Variants in CCDC73 observed in about 807,000 individuals in gnomAD.
CCDC73 encodes the protein coiled-coil domain containing 73.
CCDC73 carries 95 observed loss-of-function variants against 116.5 expected under a neutral mutation model. The observed-to-expected ratio is 0.82, with a 90% CI of 0.69 to 0.97. CCDC73 has a LOEUF of 0.97. CCDC73 is among the 50% of genes least tolerant of loss of function. The pLI, the probability that CCDC73 is intolerant of heterozygous loss-of-function variation, is 0.00. For synonymous variants in CCDC73, 398 were observed against 401.3 expected, an observed-to-expected ratio of 0.99 and a Z score of 0.10; for missense variants, 1,066 against 1,206.8, an observed-to-expected ratio of 0.88 and a Z score of 1.73.
intron 2 of CCDC73, among the ~76,000 whole-genome samples, chr11:32,743,650 T>C (rs575122427): frequency 6.6e-6 from 1 of 152,304 alleles, no homozygotes; most frequent in South Asian, 2.1e-4. Flanking sequence ...TTCCTAGGTA[T>C]TTTATTCTCT....
At position 32,685,266 on chromosome 11, in the gene CCDC73, C is replaced by CAAA. The variant is rs35408326; in HGVS notation, c.391-1695_391-1693dup. Among the ~76,000 whole-genome samples, 37 of 93,410 alleles carry CAAA rather than the reference C, an allele frequency of 4.0e-4. 2 individuals are homozygous for CAAA. Among genetic ancestry groups the CAAA allele is most frequent in the East Asian group, 8.9e-4 (3 of 3,352 alleles). The allele number at this position is 93,410 out of a possible 152,430, so 61.3% of individuals were successfully genotyped here. A position where few individuals can be genotyped will look rare whatever the true frequency, so the allele number is the denominator to read the frequency against. On this transcript the variant is annotated intron_variant, in intron 6 of 17. Coordinates refer to ENST00000335185, the MANE Select transcript of CCDC73 (RefSeq NM_001008391.4). ...AGACATTGGGGGTACAACACTGGAC[C>CAAA]AAAAAAAAAAAAAAAAAAAAACTCC... is the stretch of plus-strand genomic sequence containing the variant.
chr11:32,785,824 T>TTA (rs1325392626), intron 1 of CCDC73, among the ~76,000 whole-genome samples: 1 of 98,172 alleles, frequency 1.0e-5, no homozygotes, highest in East Asian at 7.1e-4. Flanking sequence ...TGGATTAAAA[T>TTA]TCTCTCCTCT....
intron 6 of CCDC73, among the ~76,000 whole-genome samples, chr11:32,692,616 G>C (rs1419106538): frequency 6.6e-6 from 1 of 152,074 alleles, no homozygotes; most frequent in South Asian, 2.1e-4. Context: ...TGGGTTTTAC[G>C]ACATCTACCT....
At chr11:32,776,229 A>T (rs1376144667) in intron 1 of CCDC73, among the ~76,000 whole-genome samples, 1 of 152,184 alleles carries the variant, frequency 6.6e-6, no homozygotes, top group Non-Finnish European at 1.5e-5. Context: ...TACCTCAGAC[A>T]TGAATTATAA....
chr11:32,788,798 T>C (rs1239066251), intron 1 of CCDC73, among the ~76,000 whole-genome samples: 1 of 152,112 alleles, frequency 6.6e-6, no homozygotes, highest in Non-Finnish European at 1.5e-5. Flanking sequence ...ATTTACAATC[T>C]AGAAAAATGG....
the CCDC73 span, among the ~76,000 whole-genome samples, chr11:32,808,632 C>A: frequency 7.2e-6 from 1 of 139,124 alleles, no homozygotes; most frequent in African/African-American, 2.7e-5. Flanking sequence ...TAGCGAGACT[C>A]CGTCTCAAAG....
rs1367496006 is a variant in CCDC73, at chr11:32,613,655, A to G, written c.2663T>C (p.Leu888Pro). Residue 888 changes from leucine (L) to proline (P), a missense_variant, in exon 16 of 18, where the codon CTT (leucine) becomes CCT (proline). Leu to Pro is a moderately conservative substitution (Grantham distance 98). Coordinates refer to ENST00000335185, the MANE Select transcript of CCDC73 (RefSeq NM_001008391.4). ...VNRSGRSTFD[L>P]STSDKKTEKT... is the part of the protein sequence containing the mutation. ...CTCAGTTTTTTTATCTGAAGTTGAA[A>G]GATCAAAGGTTGACCTTCCGCTTCT... is the stretch of plus-strand genomic sequence containing the variant. 7 of 1,613,958 alleles carry G rather than the reference A, an allele frequency of 4.3e-6. No homozygotes were observed. The highest frequency in any genetic ancestry group is 5.9e-6 in the Non-Finnish European group (7 of 1,180,002).
chr11:32,661,769 G>A (rs993561206), intron 9 of CCDC73, among the ~76,000 whole-genome samples: 4 of 150,738 alleles, frequency 2.7e-5, no homozygotes, highest in Non-Finnish European at 4.4e-5. Context: ...GTGCCATGTT[G>A]GTGTGCTGCA....
chr11:32,649,022 C>T (rs1278743864), intron 12 of CCDC73, among the ~76,000 whole-genome samples: 1 of 152,176 alleles, frequency 6.6e-6, no homozygotes, highest in African/African-American at 2.4e-5. Context: ...TAACTTGCCC[C>T]TTCATGAGCT....
intron 2 of CCDC73, among the ~76,000 whole-genome samples, chr11:32,721,411 T>C (rs1435633674): frequency 1.3e-5 from 2 of 152,088 alleles, no homozygotes; most frequent in Non-Finnish European, 2.9e-5. Context: ...AAAAGAGGGA[T>C]AGATAGATAT....
At chr11:32,734,231 G>T (rs1206606996) in intron 2 of CCDC73, among the ~76,000 whole-genome samples, 2 of 152,014 alleles carry the variant, frequency 1.3e-5, no homozygotes, top group Non-Finnish European at 2.9e-5. Context: ...GGAAGAAATT[G>T]ATCTCTGAAT....
chr11:32,745,328 G>A (rs1408729429), intron 2 of CCDC73, among the ~76,000 whole-genome samples: 1 of 152,158 alleles, frequency 6.6e-6, no homozygotes, highest in African/African-American at 2.4e-5. Context: ...TTCCAATTAT[G>A]TGGTCAATTT....
chr11:32,773,025 C>T (rs1427223887), intron 1 of CCDC73, among the ~76,000 whole-genome samples: 2 of 152,042 alleles, frequency 1.3e-5, no homozygotes, highest in African/African-American at 4.8e-5. Context: ...AACTCAAATG[C>T]CTATCAACTG....
chr11:32,751,263 G>A (rs1318734160), intron 2 of CCDC73, among the ~76,000 whole-genome samples: 1 of 152,162 alleles, frequency 6.6e-6, no homozygotes, highest in Non-Finnish European at 1.5e-5. Context: ...GCTGTACACT[G>A]CACTGCCTGG....
At chr11:32,786,039 A>C (rs1188818743) in intron 1 of CCDC73, among the ~76,000 whole-genome samples, 1 of 152,126 alleles carries the variant, frequency 6.6e-6, no homozygotes, top group Non-Finnish European at 1.5e-5. Flanking sequence ...TGTAATTTTA[A>C]AAAGACATGT....
chr11:32,642,579 T>C (rs985956525), intron 12 of CCDC73, among the ~76,000 whole-genome samples: 2 of 151,984 alleles, frequency 1.3e-5, no homozygotes, highest in African/African-American at 4.8e-5. Flanking sequence ...AATTACTTCA[T>C]TGAACTAACA....
chr11:32,761,535 G>T (rs1850392023), intron 1 of CCDC73, among the ~76,000 whole-genome samples: 1 of 152,122 alleles, frequency 6.6e-6, no homozygotes, highest in Non-Finnish European at 1.5e-5. Context: ...CAGAGTGGCT[G>T]TACCATTTTC....
intron 2 of CCDC73, among the ~76,000 whole-genome samples, chr11:32,729,780 C>G (rs1436111088): frequency 6.6e-6 from 1 of 152,190 alleles, no homozygotes; most frequent in Non-Finnish European, 1.5e-5. Context: ...CTAGCCTTCC[C>G]CTTGGCTTAT....
intron 14 of CCDC73, among the ~76,000 whole-genome samples, chr11:32,621,480 C>G (rs546077270): frequency 6.6e-6 from 1 of 152,252 alleles, no homozygotes; most frequent in Admixed American, 6.5e-5. Flanking sequence ...ATGCAGAAAA[C>G]TGAAACTGGA....
Sources: gnomAD v4.1 joint callset for allele counts (sites outside exome capture counted in the v4.1 genomes callset) on GRCh38, gnomAD v4.1.1 for gene constraint, MANE v1.5 for transcripts, NCBI Gene and HGNC (gene_info 2026-07-23, HGNC 2026-07-21) for gene names.